The following PTPRQ variants were observed in gnomAD, a reference collection of about 807,000 sequenced individuals.
PTPRQ encodes protein tyrosine phosphatase receptor type Q.
A neutral mutation model predicts 246.0 loss-of-function variants in PTPRQ; 199 were observed. The ratio of observed to expected loss-of-function variants is 0.81; its 90% CI spans 0.72 to 0.91. PTPRQ has a LOEUF of 0.91. Among genes scored for constraint, PTPRQ ranks in the 40% least tolerant of loss-of-function variants. The pLI, the probability that PTPRQ is intolerant of heterozygous loss-of-function variation, is 0.00. For synonymous variants in PTPRQ, 869 were observed against 853.2 expected (o/e 1.02, Z -0.32); for missense variants, 2,624 against 2,528.4 (o/e 1.04, Z -0.81).
At chr12:80,588,888 T>G (rs1897704683) in intron 26 of PTPRQ, among the ~76,000 whole-genome samples, 2 of 152,198 alleles carry the variant, frequency 1.3e-5, no homozygotes, top group African/African-American at 4.8e-5. Context: ...ACAATAACCC[T>G]GATTGATCTG....
chr12:80,528,008 T>C (rs561858302), intron 17 of PTPRQ, among the ~76,000 whole-genome samples: 7 of 152,188 alleles, frequency 4.6e-5, no homozygotes, highest in Non-Finnish European at 8.8e-5. Flanking sequence ...CACCTGAGCC[T>C]GGGGTTGGGG....
intron 14 of PTPRQ, 102 bp from the exon 15 acceptor site, chr12:80,505,922 A>ATT (rs1894942432): frequency 8.1e-7 from 1 of 1,238,148 alleles, no homozygotes; most frequent in East Asian, 2.8e-5. Flanking sequence ...ATTCTAGTGA[A>ATT]GGTTCAATTG....
chr12:80,472,001 C>G (rs1329772629), intron 7 of PTPRQ, 104 bp from the exon 8 acceptor site: 1 of 1,389,172 alleles, frequency 7.2e-7, no homozygotes, highest in Non-Finnish European at 9.6e-7. Flanking sequence ...AATTTTAGTG[C>G]ATAGGTTAAC....
At chr12:80,585,259 T>G (rs1015179942) in intron 25 of PTPRQ, among the ~76,000 whole-genome samples, 8 of 152,126 alleles carry the variant, frequency 5.3e-5, no homozygotes, top group African/African-American at 1.9e-4. Context: ...ATTTGCTCAA[T>G]CCATAAACCT....
At chr12:80,627,545 A>G (rs2121154893) in intron 33 of PTPRQ, among the ~76,000 whole-genome samples, 1 of 152,036 alleles carries the variant, frequency 6.6e-6, no homozygotes, top group South Asian at 2.1e-4. Flanking sequence ...CTTAGAGAAT[A>G]GGCTTAAAAA....
At chr12:80,449,131 C>G (rs1362238175) in intron 3 of PTPRQ, among the ~76,000 whole-genome samples, 10 of 145,020 alleles carry the variant, frequency 6.9e-5, no homozygotes, top group Non-Finnish European at 9.4e-5. Flanking sequence ...GCCAGTGATA[C>G]TGAGCATTTT....
rs574473120 is a variant in PTPRQ, at chr12:80,453,105, T to C, written c.391-4470T>C. On this transcript the variant is annotated intron_variant, in intron 3 of 44. Coordinates refer to ENST00000644991, the MANE Select transcript of PTPRQ (RefSeq NM_001145026.2). ...TCTCTAAACTTCCCTTCTCACTTCA[T>C]TTCATTCATTTCATCTTCCATCACT... Among the ~76,000 whole-genome samples the C allele has an allele frequency of 1.2e-4, 18 of 152,276 alleles. No homozygotes were observed. In the East Asian group the frequency reaches 3.5e-3, roughly 29 times the overall value.
At chr12:80,474,230 C>A (rs975099253) in intron 8 of PTPRQ, among the ~76,000 whole-genome samples, 2 of 152,096 alleles carry the variant, frequency 1.3e-5, no homozygotes, top group Non-Finnish European at 2.9e-5. Context: ...TTATATTATC[C>A]TTTTCATTAA....
At chr12:80,590,436 G>A (rs1215609268) in intron 26 of PTPRQ, among the ~76,000 whole-genome samples, 8 of 152,052 alleles carry the variant, frequency 5.3e-5, no homozygotes, top group Admixed American at 4.6e-4. Context: ...GAGAGGCTGA[G>A]GCGGGTGGAT....
intron 25 of PTPRQ, among the ~76,000 whole-genome samples, chr12:80,565,911 G>A (rs1467331117): frequency 2.0e-5 from 3 of 152,060 alleles, no homozygotes; most frequent in South Asian, 2.1e-4. Context: ...TGTAAGACAC[G>A]CATAAGTTGC....
At chr12:80,521,373 C>G (rs1035566836) in intron 17 of PTPRQ, among the ~76,000 whole-genome samples, 12 of 152,146 alleles carry the variant, frequency 7.9e-5, no homozygotes, top group Non-Finnish European at 1.6e-4. Flanking sequence ...TTAATTAGAT[C>G]CCATTTGTCA....
At chr12:80,564,604 T>C (rs1896925681) in intron 25 of PTPRQ, among the ~76,000 whole-genome samples, 2 of 152,236 alleles carry the variant, frequency 1.3e-5, no homozygotes, top group Admixed American at 6.5e-5. Flanking sequence ...AATATATTTC[T>C]TGTGCTATTA....
At chr12:80,558,115 C>CT (rs766459226) in intron 25 of PTPRQ, among the ~76,000 whole-genome samples, 1,683 of 116,220 alleles carry the variant, frequency 0.014, 54 homozygotes, top group African/African-American at 0.056. Flanking sequence ...TCTTTCTTTT[C>CT]TTTCTTTCTT....
At chr12:80,466,647 A>G (rs1283826059) in intron 6 of PTPRQ, among the ~76,000 whole-genome samples, 2 of 152,228 alleles carry the variant, frequency 1.3e-5, no homozygotes, top group Non-Finnish European at 2.9e-5. Context: ...TGGTACTGGT[A>G]CCAAAACAGA....
At chr12:80,455,009 T>C (rs1007079335) in intron 3 of PTPRQ, among the ~76,000 whole-genome samples, 1 of 152,160 alleles carries the variant, frequency 6.6e-6, no homozygotes, top group Non-Finnish European at 1.5e-5. Context: ...CCATCTCTAC[T>C]CAAAATACAA....
chr12:80,623,212 T>C lies in PTPRQ; in HGVS notation c.5686+1078T>C, dbSNP rs79888255. On this transcript the variant is annotated intron_variant, in intron 33 of 44. Transcript: ENST00000644991. ...CACCATTTTTAGCCAGAAATTCTCA[T>C]TGGGTTATGGAAATACTAATTGTAT... Among the ~76,000 whole-genome samples the C allele has an allele frequency of 9.9e-3, 1,505 of 152,180 alleles. 33 individuals carry two copies. The highest frequency in any genetic ancestry group is 0.033 in the African/African-American group (1,381 of 41,524).
At chr12:80,459,139 C>T (rs1351153071) in intron 4 of PTPRQ, 145 bp from the exon 5 acceptor site, 1 of 392,324 alleles carries the variant, frequency 2.5e-6, no homozygotes, top group Admixed American at 4.4e-5. Context: ...AGGCAAAGTT[C>T]AGTTAAATAC....
At position 80,482,158 on chromosome 12, in the gene PTPRQ, T is replaced by G. The variant is rs527752783; in HGVS notation, c.1187-2275T>G. On this transcript the variant is annotated intron_variant, in intron 8 of 44. Transcript: ENST00000644991. ...GGCTACAGTAACCAAAACAGCATGG[T>G]ACTGGTACCAAAACAGAGATATAGA... Among the ~76,000 whole-genome samples, 24 of 151,940 alleles carry G rather than the reference T, an allele frequency of 1.6e-4. No individual in the cohort carries two copies. In the South Asian group the frequency reaches 4.8e-3, roughly 30 times the overall value.
rs916409319 is a variant in PTPRQ at position 80,484,324 on chromosome 12, G to A, written c.1187-109G>A. ...ACCTAGCCTAGTCTGTTTTCTAATA[G>A]AATTGTTTATATATCTTAAATTGTG... On this transcript the variant is annotated intron_variant, in intron 8 of 44. Coordinates refer to ENST00000644991, the MANE Select transcript of PTPRQ (RefSeq NM_001145026.2). 3.0e-6 allele frequency: 4 copies of A among 1,316,766 alleles called. No individual in the cohort carries two copies. The Admixed American group carries it at 1.1e-4, about 36-fold the overall frequency. 81.6% of individuals were successfully genotyped at this position (1,316,766 alleles called of 1,614,324 possible). A position where few individuals can be genotyped will look rare whatever the true frequency, so the allele number is the denominator to read the frequency against.
Sources: gnomAD v4.1 joint callset for allele counts (sites outside exome capture counted in the v4.1 genomes callset) on GRCh38, gnomAD v4.1.1 for gene constraint, MANE v1.5 for transcripts, NCBI Gene and HGNC (gene_info 2026-07-23, HGNC 2026-07-21) for gene names.